The following ANGPT1 variants were observed in gnomAD, a reference collection of about 807,000 sequenced individuals.
ANGPT1 encodes the protein angiopoietin-1.
Under a neutral mutation model 62.2 loss-of-function variants are expected in ANGPT1, and 17 were observed. That is an observed-to-expected ratio of 0.27 (90% confidence interval 0.19 to 0.41). ANGPT1 has a LOEUF of 0.41. ANGPT1 is among the 10% of genes least tolerant of loss of function. The pLI is 1.00. For synonymous variants in ANGPT1, 199 were observed against 198.9 expected (o/e 1.00, Z 0.00); for missense variants, 478 against 594.9 (o/e 0.80, Z 2.04).
At chr8:107,489,995 T>C (rs1812916653) in intron 1 of ANGPT1, among the ~76,000 whole-genome samples, 1 of 151,340 alleles carries the variant, frequency 6.6e-6, no homozygotes, top group African/African-American at 2.4e-5. Context: ...GCTGCTAATG[T>C]ATCCACACAG....
intron 6 of ANGPT1, among the ~76,000 whole-genome samples, chr8:107,293,392 C>G (rs1367872488): frequency 6.6e-6 from 1 of 152,108 alleles, no homozygotes; most frequent in Non-Finnish European, 1.5e-5. Context: ...TCTAATAAAA[C>G]TAAAAAAGGC....
chr8:107,413,129 G>C (rs1177491352), intron 1 of ANGPT1, among the ~76,000 whole-genome samples: 1 of 152,132 alleles, frequency 6.6e-6, no homozygotes, highest in Admixed American at 6.6e-5. Context: ...AGCCCTGGGT[G>C]AAACAGTGTC....
At chr8:107,355,009 C>G (rs544829644) in intron 1 of ANGPT1, among the ~76,000 whole-genome samples, 1 of 150,686 alleles carries the variant, frequency 6.6e-6, no homozygotes, top group African/African-American at 2.4e-5. Flanking sequence ...CTCTCGGGTT[C>G]AAGTGGTTTC....
chr8:107,476,431 G>C (rs1812531147), intron 1 of ANGPT1, among the ~76,000 whole-genome samples: 1 of 152,036 alleles, frequency 6.6e-6, no homozygotes, highest in Non-Finnish European at 1.5e-5. Context: ...ACCAGGGCCT[G>C]TCATGGGGTG....
At chr8:107,293,913 C>G (rs747497812) in intron 6 of ANGPT1, 23 bp downstream of exon 6, 2 of 1,581,226 alleles carry the variant, frequency 1.3e-6, no homozygotes, top group South Asian at 2.3e-5. Context: ...CACCAAAAAG[C>G]ACCATAAATT....
chr8:107,443,061 C>T (rs1466262325), intron 1 of ANGPT1, among the ~76,000 whole-genome samples: 1 of 152,170 alleles, frequency 6.6e-6, no homozygotes, highest in Non-Finnish European at 1.5e-5. Flanking sequence ...TTCAGTGTAA[C>T]TGATAACTTT....
rs114852488 is a variant in ANGPT1 at position 107,335,457 on chromosome 8, A to G, written c.575+693T>C. ...CAGTGTTTTGAATTGTTCATCATCA[A>G]TGTTAATGACTTCAAAATAATACAC... On this transcript the variant is annotated intron_variant, in intron 3 of 8. Coordinates refer to ENST00000517746, the MANE Select transcript of ANGPT1 (RefSeq NM_001146.5). Among the ~76,000 whole-genome samples the G allele has an allele frequency of 9.6e-3, 1,468 of 152,338 alleles. 24 individuals carry two copies. The highest frequency in any genetic ancestry group is 0.033 in the African/African-American group (1,362 of 41,578).
chr8:107,299,422 A>ATACAT (rs1281291162), intron 5 of ANGPT1, among the ~76,000 whole-genome samples: 33 of 116,144 alleles, frequency 2.8e-4, no homozygotes, highest in Non-Finnish European at 5.1e-4. Flanking sequence ...TATATATATA[A>ATACAT]ACATACATAT....
At chr8:107,307,016 C>T (rs1433982970) in intron 4 of ANGPT1, among the ~76,000 whole-genome samples, 1 of 152,104 alleles carries the variant, frequency 6.6e-6, no homozygotes, top group Non-Finnish European at 1.5e-5. Flanking sequence ...AAGTGGTTTA[C>T]ACTTTTTGTA....
intron 1 of ANGPT1, among the ~76,000 whole-genome samples, chr8:107,472,049 G>A (rs542110488): frequency 6.6e-6 from 1 of 152,018 alleles, no homozygotes; most frequent in African/African-American, 2.4e-5. Context: ...CATTTTAGAG[G>A]AATACTTTAT....
At chr8:107,394,546 G>C (rs377174025) in intron 1 of ANGPT1, among the ~76,000 whole-genome samples, 1 of 152,100 alleles carries the variant, frequency 6.6e-6, no homozygotes, top group African/African-American at 2.4e-5. Flanking sequence ...TGGGGGGAGG[G>C]AAGGAGACTA....
chr8:107,472,972 T>C (rs1442456195), intron 1 of ANGPT1, among the ~76,000 whole-genome samples: 3 of 152,038 alleles, frequency 2.0e-5, no homozygotes, highest in Non-Finnish European at 4.4e-5. Context: ...CCATCTCCAC[T>C]ACCACCAGTA....
In ANGPT1 at chr8:107,365,872, C is replaced by T. The variant is rs911816019; in HGVS notation, c.298-18775G>A. Among the ~76,000 whole-genome samples, 31 of 147,714 alleles carry T rather than the reference C, an allele frequency of 2.1e-4. 1 individual carries two copies. Among genetic ancestry groups the T allele is most frequent in the South Asian group, 1.0e-3 (5 of 4,784 alleles). On this transcript the variant is annotated intron_variant, in intron 1 of 8. Coordinates refer to ENST00000517746, the MANE Select transcript of ANGPT1 (RefSeq NM_001146.5). ...AACAAATACAACACACACACACACA[C>T]ACACACACACACACACACGATTTTG... is the stretch of plus-strand genomic sequence containing the variant.
chr8:107,269,756 C>T (rs1343942703), intron 7 of ANGPT1, among the ~76,000 whole-genome samples: 1 of 151,988 alleles, frequency 6.6e-6, no homozygotes, highest in Non-Finnish European at 1.5e-5. Context: ...TTTGATGTGA[C>T]CAAAAAGCAG....
chr8:107,482,674 T>A (rs557205280), intron 1 of ANGPT1, among the ~76,000 whole-genome samples: 1 of 152,320 alleles, frequency 6.6e-6, no homozygotes, highest in South Asian at 2.1e-4. Context: ...GTTCTCTACC[T>A]ATTACTTGTA....
intron 1 of ANGPT1, among the ~76,000 whole-genome samples, chr8:107,483,758 G>A (rs1458778685): frequency 6.6e-6 from 1 of 152,042 alleles, no homozygotes; most frequent in Non-Finnish European, 1.5e-5. Flanking sequence ...ACCTAATACT[G>A]TAATGAAGTG....
At chr8:107,473,934 G>A (rs936313959) in intron 1 of ANGPT1, among the ~76,000 whole-genome samples, 3 of 151,992 alleles carry the variant, frequency 2.0e-5, no homozygotes, top group Non-Finnish European at 1.5e-5. Flanking sequence ...CTGAAATTGA[G>A]GCAATAATTA....
At chr8:107,424,614 C>A (rs1810987590) in intron 1 of ANGPT1, among the ~76,000 whole-genome samples, 1 of 152,138 alleles carries the variant, frequency 6.6e-6, no homozygotes, top group Non-Finnish European at 1.5e-5. Context: ...ATAACACATC[C>A]ATTGGGAGGA....
chr8:107,349,847 A>G (rs115031491), intron 1 of ANGPT1, among the ~76,000 whole-genome samples: 61 of 152,294 alleles, frequency 4.0e-4, no homozygotes, highest in African/African-American at 1.4e-3. Flanking sequence ...TTTAAAATGC[A>G]GATGGAGGTA....
Sources: gnomAD v4.1 joint callset for allele counts (sites outside exome capture counted in the v4.1 genomes callset) on GRCh38, gnomAD v4.1.1 for gene constraint, MANE v1.5 for transcripts, NCBI Gene and HGNC (gene_info 2026-07-23, HGNC 2026-07-21) for gene names.